Variants in PLXNA4 observed in about 807,000 individuals in gnomAD.
PLXNA4 encodes plexin-A4.
Under a neutral mutation model 191.8 loss-of-function variants are expected in PLXNA4, and 44 were observed. The ratio of observed to expected loss-of-function variants is 0.23; its 90% CI spans 0.18 to 0.29. PLXNA4 has a LOEUF of 0.29. Among genes scored for constraint, PLXNA4 ranks in the 10% least tolerant of loss-of-function variants. PLXNA4 has a pLI of 1.00. For synonymous variants in PLXNA4, 1,082 were observed against 1,009.5 expected (o/e 1.07, Z -1.36); for missense variants, 1,800 against 2,488.8 (o/e 0.72, Z 5.89).
At chr7:132,323,077 G>A (rs1234812067) in intron 3 of PLXNA4, among the ~76,000 whole-genome samples, 1 of 152,186 alleles carries the variant, frequency 6.6e-6, no homozygotes, top group Admixed American at 6.5e-5. Context: ...TTCACAGAGG[G>A]AAAAGATCCG....
At chr7:132,165,337 A>G in intron 22 of PLXNA4, 137 bp from the exon 23 acceptor site, 2 of 1,300,248 alleles carry the variant, frequency 1.5e-6, no homozygotes, top group Non-Finnish European at 2.0e-6. Flanking sequence ...AAACCTTGCG[A>G]TCCTAATGAA....
intron 4 of PLXNA4, among the ~76,000 whole-genome samples, chr7:132,278,245 A>C (rs1037827850): frequency 6.6e-6 from 1 of 152,154 alleles, no homozygotes; most frequent in Non-Finnish European, 1.5e-5. Flanking sequence ...TGGCACAGAC[A>C]CTATCTTTTT....
At chr7:132,614,374 A>C (rs1803110360) in intron 2 of PLXNA4, among the ~76,000 whole-genome samples, 1 of 152,256 alleles carries the variant, frequency 6.6e-6, no homozygotes, top group Non-Finnish European at 1.5e-5. Context: ...AGAGGCCCTC[A>C]TACTGGACAG....
chr7:132,603,637 G>A (rs915711324), intron 2 of PLXNA4, among the ~76,000 whole-genome samples: 3 of 152,184 alleles, frequency 2.0e-5, no homozygotes, highest in South Asian at 2.1e-4. Flanking sequence ...ATTCTGCTAT[G>A]GGAGGGGGCC....
At chr7:132,619,330 A>C (rs1426938192) in intron 2 of PLXNA4, among the ~76,000 whole-genome samples, 1 of 152,228 alleles carries the variant, frequency 6.6e-6, no homozygotes, top group African/African-American at 2.4e-5. Context: ...TACCATATAC[A>C]TGAAATACAA....
intron 3 of PLXNA4, among the ~76,000 whole-genome samples, chr7:132,375,161 G>A (rs1363093173): frequency 6.6e-6 from 1 of 152,154 alleles, no homozygotes; most frequent in Non-Finnish European, 1.5e-5. Flanking sequence ...TAGAGGCTTG[G>A]GCAAGGCCAG....
intron 1 of PLXNA4, among the ~76,000 whole-genome samples, chr7:132,574,702 C>A (rs776611821): frequency 9.2e-5 from 14 of 152,194 alleles, no homozygotes; most frequent in African/African-American, 3.1e-4. Context: ...CAGCACACAG[C>A]GGGAATACAA....
rs76850466 is a variant in PLXNA4, at chr7:132,533,214, C to T, written c.-86-24435G>A. Among the ~76,000 whole-genome samples, 124 of 152,268 alleles carry T rather than the reference C, an allele frequency of 8.1e-4. 1 individual carries two copies. The East Asian group carries it at 0.022, about 27-fold the overall frequency. On this transcript the variant is annotated intron_variant, in intron 1 of 31. Transcript: ENST00000321063. Reference sequence around the variant, plus strand: ...TGCTTCTTATTTTCAGTTGCATGCACAGTACTCAGCACAGTATAAACACCC... The same window carrying T: ...TGCTTCTTATTTTCAGTTGCATGCATAGTACTCAGCACAGTATAAACACCC...
intron 3 of PLXNA4, among the ~76,000 whole-genome samples, chr7:132,397,422 G>C (rs1793810993): frequency 6.6e-6 from 1 of 152,174 alleles, no homozygotes; most frequent in African/African-American, 2.4e-5. Flanking sequence ...CAGACACAAG[G>C]GCAAGTGGAG....
intron 3 of PLXNA4, among the ~76,000 whole-genome samples, chr7:132,417,332 T>C (rs1015708575): frequency 5.3e-5 from 8 of 152,200 alleles, no homozygotes; most frequent in African/African-American, 1.9e-4. Context: ...CCCTGTGTCA[T>C]GAGGCCTGCG....
chr7:132,220,449 G>A (rs371275008), intron 9 of PLXNA4, among the ~76,000 whole-genome samples: 58 of 152,298 alleles, frequency 3.8e-4, no homozygotes, highest in Admixed American at 2.5e-3. Context: ...GAGCCAAAAT[G>A]TATTCCATGT....
chr7:132,527,142 A>G (rs971467149), intron 1 of PLXNA4, among the ~76,000 whole-genome samples: 15 of 152,322 alleles, frequency 9.8e-5, no homozygotes, highest in East Asian at 7.7e-4. Flanking sequence ...GGGAAGATGC[A>G]TTCCGTTCTC....
Position 132,640,196 on chromosome 7 carries a change from T to C in PLXNA4, c.-87+5732A>G, listed in dbSNP as rs142569797. 5.2e-3 allele frequency among the ~76,000 whole-genome samples: 797 copies of C among 152,344 alleles called. 9 individuals are homozygous for C. The highest frequency in any genetic ancestry group is 0.019 in the African/African-American group (772 of 41,590). ...CAACAGATGTTCCTGGAGTATCTAC[T>C]GCATGCCAGACCACGTGCTGGGTGC... On this transcript the variant is annotated intron_variant, in intron 2 of 4. Transcript: ENST00000378539.
chr7:132,244,498 CT>C (rs2117051034), intron 4 of PLXNA4, among the ~76,000 whole-genome samples: 1 of 152,318 alleles, frequency 6.6e-6, no homozygotes, highest in East Asian at 1.9e-4. Flanking sequence ...TTATGACTCT[CT>C]TCTGAACTTG....
At chr7:132,560,500 CAG>C (rs1800992749) in intron 1 of PLXNA4, among the ~76,000 whole-genome samples, 1 of 152,126 alleles carries the variant, frequency 6.6e-6, no homozygotes, top group Non-Finnish European at 1.5e-5. Context: ...AAGTTTCTGC[CAG>C]ATCCCAAAAG....
intron 16 of PLXNA4, among the ~76,000 whole-genome samples, chr7:132,182,512 C>A (rs1025240694): frequency 5.3e-5 from 8 of 152,170 alleles, no homozygotes; most frequent in Non-Finnish European, 1.0e-4. Flanking sequence ...TGCTTCTCTG[C>A]AACCCCTTGG....
rs573678590 is a variant in PLXNA4 at position 132,164,759 on chromosome 7, C to T, written c.4353+375G>A. On this transcript the variant is annotated intron_variant, in intron 23 of 31. Transcript: ENST00000321063. ...CTGCCGCAACATGCGGCTTCTGCACCGGCCGGGGGGCCTTATCAGCCTCAG... is the reference window on the plus strand; with the variant it reads ...CTGCCGCAACATGCGGCTTCTGCACTGGCCGGGGGGCCTTATCAGCCTCAG... Among the ~76,000 whole-genome samples the T allele has an allele frequency of 2.6e-3, 395 of 152,354 alleles. 6 individuals carry two copies. Among genetic ancestry groups the T allele is most frequent in the Non-Finnish European group, 8.8e-4 (60 of 68,036 alleles).
At chr7:132,162,174 CTGCACGATTTCT>C (rs1419195667) in intron 24 of PLXNA4, among the ~76,000 whole-genome samples, 2 of 152,254 alleles carry the variant, frequency 1.3e-5, no homozygotes. Flanking sequence ...TGCTGCTGTC[CTGCACGATTTCT>C]TGCCATCTGT....
intron 9 of PLXNA4, among the ~76,000 whole-genome samples, chr7:132,221,350 C>A (rs181739559): frequency 4.1e-4 from 62 of 152,348 alleles, no homozygotes; most frequent in African/African-American, 1.4e-3. Flanking sequence ...ACTCTTGGGC[C>A]TCTCCGCACA....
Sources: allele counts gnomAD v4.1 joint callset (sites outside exome capture counted in the v4.1 genomes callset), GRCh38; gene constraint gnomAD v4.1.1; transcripts MANE v1.5; gene names NCBI Gene and HGNC (gene_info 2026-07-23, HGNC 2026-07-21).